IL1RAPL2: variants seen among roughly 807,000 people sequenced by gnomAD.
IL1RAPL2 encodes X-linked interleukin-1 receptor accessory protein-like 2.
IL1RAPL2 carries 3 observed loss-of-function variants against 44.1 expected under a neutral mutation model. The observed-to-expected ratio is 0.07, with a 90% CI of 0.03 to 0.18. The LOEUF (loss-of-function observed/expected upper bound fraction) is 0.18. Ranked by LOEUF, IL1RAPL2 falls within the 10% of genes least tolerant of loss-of-function variation. The probability of loss-of-function intolerance (pLI) is 1.00; values close to 1 mark genes in which losing one functional copy is unlikely to be tolerated. For missense variants in IL1RAPL2, 391 were observed against 496.4 expected, an observed-to-expected ratio of 0.79 and a Z score of 2.02; for synonymous variants, 181 against 178.8, an observed-to-expected ratio of 1.01 and a Z score of -0.10.
At chrX:104,646,952 T>G (rs1930052826) in intron 1 of IL1RAPL2, among the ~76,000 whole-genome samples, 1 of 111,930 alleles carries the variant, frequency 8.9e-6, no homozygotes, top group African/African-American at 3.3e-5. Context: ...CTATATTGAG[T>G]AAAAAGTGAA....
chrX:105,169,880 G>C (rs966327879), intron 2 of IL1RAPL2, among the ~76,000 whole-genome samples: 2 of 106,748 alleles, frequency 1.9e-5, no homozygotes, highest in Admixed American at 1.0e-4. Context: ...GGATTTGGTG[G>C]AGTGGGTGGG....
chrX:104,726,515 A>G (rs971533422), intron 2 of IL1RAPL2, among the ~76,000 whole-genome samples: 6 of 111,640 alleles, frequency 5.4e-5, no homozygotes, highest in African/African-American at 2.0e-4. Context: ...ATCCATGGGC[A>G]TGGAATGTTT....
chrX:104,975,040 T>C (rs1344121985), intron 2 of IL1RAPL2, among the ~76,000 whole-genome samples: 3 of 112,058 alleles, frequency 2.7e-5, no homozygotes, highest in Non-Finnish European at 5.6e-5. Flanking sequence ...AATAATTGCA[T>C]TTTTTGGCTA....
chrX:105,489,830 T>C lies in IL1RAPL2; in HGVS notation c.772+5443T>C, dbSNP rs752159596. ...CTCTCTCTCTCTCTCTCTTTCTTTTTCTTTCTTTTTTTCTTGAGATGAAGC... is the reference window on the plus strand; with the variant it reads ...CTCTCTCTCTCTCTCTCTTTCTTTTCCTTTCTTTTTTTCTTGAGATGAAGC... On this transcript the variant is annotated intron_variant, in intron 6 of 10. Coordinates refer to ENST00000372582, the MANE Select transcript of IL1RAPL2 (RefSeq NM_017416.2). Among the ~76,000 whole-genome samples the C allele has an allele frequency of 5.8e-5, 6 of 104,327 alleles. 1 individual carries two copies. The highest frequency in any genetic ancestry group is 1.2e-4 in the Non-Finnish European group (6 of 50,777). 90.6% of individuals were successfully genotyped at this position (104,327 alleles called of 115,157 possible).
intron 6 of IL1RAPL2, among the ~76,000 whole-genome samples, chrX:105,612,597 A>G (rs1303812405): frequency 8.9e-6 from 1 of 112,372 alleles, no homozygotes; most frequent in Non-Finnish European, 1.9e-5. Context: ...TCTCTGAAAG[A>G]GGCGCTGGAA....
chrX:105,000,812 G>T (rs189124049), intron 2 of IL1RAPL2, among the ~76,000 whole-genome samples: 13 of 111,416 alleles, frequency 1.2e-4, no homozygotes, highest in African/African-American at 3.6e-4. Flanking sequence ...CTACAGGTTG[G>T]TTAGAATTAA....
intron 5 of IL1RAPL2, among the ~76,000 whole-genome samples, chrX:105,476,589 C>G (rs1486111311): frequency 8.9e-6 from 1 of 111,938 alleles, no homozygotes; most frequent in African/African-American, 3.2e-5. Context: ...AGTTAATAAA[C>G]AGTCCATGCT....
intron 4 of IL1RAPL2, among the ~76,000 whole-genome samples, chrX:105,238,957 C>T (rs1275066486): frequency 2.7e-5 from 3 of 111,472 alleles, no homozygotes; most frequent in Non-Finnish European, 5.7e-5. Flanking sequence ...ATACAGTACA[C>T]CAAGGGGACT....
intron 2 of IL1RAPL2, among the ~76,000 whole-genome samples, chrX:104,980,346 C>A (rs1005747471): frequency 2.7e-5 from 3 of 111,594 alleles, no homozygotes; most frequent in African/African-American, 9.7e-5. Context: ...GGGTAATGAA[C>A]TTTTTGAGTG....
intron 1 of IL1RAPL2, among the ~76,000 whole-genome samples, chrX:104,577,545 G>A (rs1467354882): frequency 8.9e-6 from 1 of 111,856 alleles, no homozygotes; most frequent in Non-Finnish European, 1.9e-5. Flanking sequence ...ACTGTATAGG[G>A]AAGGAAGCAT....
intron 4 of IL1RAPL2, among the ~76,000 whole-genome samples, chrX:105,250,574 A>C (rs1406093158): frequency 1.8e-5 from 2 of 111,183 alleles, no homozygotes; most frequent in Non-Finnish European, 1.9e-5. Context: ...AAGAAAAAAA[A>C]CAAAATTTAT....
intron 2 of IL1RAPL2, among the ~76,000 whole-genome samples, chrX:104,730,164 C>T (rs1237864315): frequency 6.3e-5 from 7 of 110,752 alleles, no homozygotes; most frequent in South Asian, 7.6e-4. Flanking sequence ...TACTAGGAAA[C>T]GTTGAAATAT....
chrX:104,941,645 A>G (rs1306300883), intron 2 of IL1RAPL2, among the ~76,000 whole-genome samples: 1 of 111,439 alleles, frequency 9.0e-6, no homozygotes, highest in Non-Finnish European at 1.9e-5. Flanking sequence ...CCCATTCTGT[A>G]GATCGCCTGT....
chrX:105,176,743 T>C (rs1271829421), intron 2 of IL1RAPL2, among the ~76,000 whole-genome samples: 2 of 110,181 alleles, frequency 1.8e-5, no homozygotes, highest in Admixed American at 9.6e-5. Flanking sequence ...CCTCCCTCTT[T>C]CATTACCACC....
chrX:105,149,192 T>C (rs2033203980), intron 2 of IL1RAPL2, among the ~76,000 whole-genome samples: 1 of 111,954 alleles, frequency 8.9e-6, no homozygotes, highest in African/African-American at 3.2e-5. Flanking sequence ...ATGGAATCTT[T>C]TTAAATGCCA....
intron 2 of IL1RAPL2, among the ~76,000 whole-genome samples, chrX:104,894,256 T>G (rs1923565156): frequency 9.0e-6 from 1 of 111,632 alleles, no homozygotes. Flanking sequence ...CTGACAATTT[T>G]GTGTCTTGGA....
rs939908812 is a variant in IL1RAPL2 at position 104,648,598 on chromosome X, A to T, written c.-19-10297A>T. Among the ~76,000 whole-genome samples the T allele has an allele frequency of 8.9e-5, 10 of 112,071 alleles. No individual in the cohort carries two copies. The Admixed American group carries it at 9.4e-4, about 11-fold the overall frequency. ...CCACATCAAAAATTGAGTAAGACTC[A>T]TTGATCAATGAGTGTGATTGAAGAC... is the stretch of plus-strand genomic sequence containing the variant. On this transcript the variant is annotated intron_variant, in intron 1 of 10. Transcript: ENST00000372582.
At chrX:104,852,417 C>T (rs953177629) in intron 2 of IL1RAPL2, among the ~76,000 whole-genome samples, 5 of 111,549 alleles carry the variant, frequency 4.5e-5, no homozygotes, top group African/African-American at 9.8e-5. Context: ...GGTCTTTGTC[C>T]GAGGTTTTGG....
rs767774030 is a variant in IL1RAPL2, at chrX:104,882,666, G to A, written c.82+223671G>A. Among the ~76,000 whole-genome samples, 96 of 111,889 alleles carry A rather than the reference G, an allele frequency of 8.6e-4. 1 individual carries two copies. The highest frequency in any genetic ancestry group is 4.6e-3 in the Middle Eastern group (1 of 217). On this transcript the variant is annotated intron_variant, in intron 2 of 10. Transcript: ENST00000372582. Reference sequence around the variant, plus strand: ...TGTAAAATGGACCAATCAGCAGGACGTGGATGGGGCCAAATAAGGGAATAA... The same window carrying A: ...TGTAAAATGGACCAATCAGCAGGACATGGATGGGGCCAAATAAGGGAATAA...
Sources: allele counts gnomAD v4.1 joint callset (sites outside exome capture counted in the v4.1 genomes callset), GRCh38; gene constraint gnomAD v4.1.1; transcripts MANE v1.5; gene names NCBI Gene and HGNC (gene_info 2026-07-23, HGNC 2026-07-21).